Variants in KCNAB1 observed in about 807,000 individuals in gnomAD.
The protein encoded by KCNAB1 is potassium voltage-gated channel subfamily A regulatory beta subunit 1, also known as voltage-gated potassium channel subunit beta-1.
KCNAB1 carries 35 observed loss-of-function variants against 64.6 expected under a neutral mutation model. The observed-to-expected ratio is 0.54, with a 90% CI of 0.41 to 0.72. KCNAB1 has a LOEUF of 0.72. KCNAB1 is among the 30% of genes least tolerant of loss of function. The pLI, the probability that KCNAB1 is intolerant of heterozygous loss-of-function variation, is 0.00. For missense variants in KCNAB1, 401 were observed against 512.9 expected (o/e 0.78, Z 2.11); for synonymous variants, 177 against 183.8 (o/e 0.96, Z 0.30).
At chr3:156,258,435 A>G (rs1718230539) in intron 1 of KCNAB1, among the ~76,000 whole-genome samples, 1 of 152,132 alleles carries the variant, frequency 6.6e-6, no homozygotes, top group Non-Finnish European at 1.5e-5. Context: ...GCACAATTTG[A>G]ATACTTTCAG....
chr3:156,352,691 A>G (rs1400032760), intron 1 of KCNAB1, among the ~76,000 whole-genome samples: 1 of 152,158 alleles, frequency 6.6e-6, no homozygotes, highest in Non-Finnish European at 1.5e-5. Flanking sequence ...GTCACACTCG[A>G]TGGGTCTTCT....
intron 1 of KCNAB1, among the ~76,000 whole-genome samples, chr3:156,347,001 T>G (rs1460458003): frequency 6.6e-6 from 1 of 152,196 alleles, no homozygotes; most frequent in Non-Finnish European, 1.5e-5. Context: ...GATATTATTT[T>G]CTTTTCAGAG....
chr3:156,455,704 G>A (rs1033933419), intron 3 of KCNAB1, among the ~76,000 whole-genome samples: 6 of 151,382 alleles, frequency 4.0e-5, no homozygotes, highest in Non-Finnish European at 7.4e-5. Context: ...CTTCAGGGCC[G>A]CCTCAGTCTG....
chr3:156,467,793 T>C (rs1350089840), intron 7 of KCNAB1, among the ~76,000 whole-genome samples: 1 of 152,146 alleles, frequency 6.6e-6, no homozygotes, highest in Admixed American at 6.6e-5. Context: ...CAGAGTGGCA[T>C]TGCTAAGTCA....
chr3:156,533,705 G>T (rs1333756553), intron 13 of KCNAB1, among the ~76,000 whole-genome samples: 3 of 152,120 alleles, frequency 2.0e-5, no homozygotes, highest in Non-Finnish European at 4.4e-5. Flanking sequence ...TGGCCATGGA[G>T]GGGGAGAGAA....
chr3:156,209,748 A>G (rs1313280591), intron 1 of KCNAB1, among the ~76,000 whole-genome samples: 1 of 152,224 alleles, frequency 6.6e-6, no homozygotes, highest in Non-Finnish European at 1.5e-5. Flanking sequence ...GTGTGTCTGC[A>G]AGTCTACTAA....
At chr3:156,451,861 G>A (rs1712031679) in intron 2 of KCNAB1, among the ~76,000 whole-genome samples, 1 of 152,036 alleles carries the variant, frequency 6.6e-6, no homozygotes, top group African/African-American at 2.4e-5. Flanking sequence ...GTTAACCCCT[G>A]TGAGACTCGA....
At chr3:156,511,080 C>T (rs964274149) in intron 8 of KCNAB1, among the ~76,000 whole-genome samples, 2 of 152,054 alleles carry the variant, frequency 1.3e-5, no homozygotes, top group Non-Finnish European at 2.9e-5. Flanking sequence ...ATTAAATATC[C>T]ACTTGACATC....
chr3:156,323,345 G>A (rs1722790253), intron 1 of KCNAB1, among the ~76,000 whole-genome samples: 1 of 152,018 alleles, frequency 6.6e-6, no homozygotes, highest in African/African-American at 2.4e-5. Context: ...TGGTGTTCGG[G>A]GAGAAATGAC....
intron 1 of KCNAB1, among the ~76,000 whole-genome samples, chr3:156,169,083 T>G (rs1202594022): frequency 6.6e-6 from 1 of 152,224 alleles, no homozygotes; most frequent in Non-Finnish European, 1.5e-5. Context: ...AATTGATTTT[T>G]TTACACTTAA....
At chr3:156,158,090 G>A (rs186740382) in intron 1 of KCNAB1, among the ~76,000 whole-genome samples, 1 of 150,918 alleles carries the variant, frequency 6.6e-6, no homozygotes, top group South Asian at 2.1e-4. Flanking sequence ...GCGTGAACCC[G>A]GGAGGCGGAG....
chr3:156,498,420 A>G (rs1231325458), intron 8 of KCNAB1, among the ~76,000 whole-genome samples: 1 of 152,158 alleles, frequency 6.6e-6, no homozygotes. Context: ...TGCGGTTCTC[A>G]TGATGGTAAA....
At chr3:156,325,518 T>C (rs1722916022) in intron 1 of KCNAB1, among the ~76,000 whole-genome samples, 1 of 152,002 alleles carries the variant, frequency 6.6e-6, no homozygotes, top group Admixed American at 6.6e-5. Context: ...AAATAACTTA[T>C]CTTTCCTTTG....
rs115603101 is a variant in KCNAB1, at chr3:156,332,170, A to G, written c.276-89446A>G. Among the ~76,000 whole-genome samples the G allele has an allele frequency of 7.7e-3, 1,179 of 152,298 alleles. 10 individuals are homozygous for G. The highest frequency in any genetic ancestry group is 0.027 in the African/African-American group (1,128 of 41,560). On this transcript the variant is annotated intron_variant, in intron 1 of 13. Coordinates refer to ENST00000490337, the MANE Select transcript of KCNAB1 (RefSeq NM_172160.3). ...TTAAAATGAGTTTGGTTACCAAAAAAATTATTCATTTCTGGGCTTTATGTG... is the reference window on the plus strand; with the variant it reads ...TTAAAATGAGTTTGGTTACCAAAAAGATTATTCATTTCTGGGCTTTATGTG...
In KCNAB1 at chr3:156,422,473, G is replaced by T. The variant is rs183577192; in HGVS notation, c.319+814G>T. Among the ~76,000 whole-genome samples, 74 of 152,350 alleles carry T rather than the reference G, an allele frequency of 4.9e-4. 1 individual carries two copies. The highest frequency in any genetic ancestry group is 6.8e-3 in the Middle Eastern group (2 of 294). ...ATTTTCTGTTGGGTTCTATGTGGAA[G>T]ATGACAGAAAAAAGTCAAGGATGAC... On this transcript the variant is annotated intron_variant, in intron 2 of 13. Coordinates refer to ENST00000490337, the MANE Select transcript of KCNAB1 (RefSeq NM_172160.3).
At position 156,463,729 on chromosome 3, in the gene KCNAB1, A is replaced by T. The variant is rs1038847015; in HGVS notation, c.510A>T (p.Lys170Asn). 6.2e-7 allele frequency: 1 copy of T among 1,604,864 alleles called. No homozygotes were observed. The highest frequency in any genetic ancestry group is 8.5e-7 in the Non-Finnish European group (1 of 1,177,078). ...WRRSSLVITT[K>N]LYWGGKAETE... The stretch of plus-strand genomic sequence containing the variant: ...GGTCCAGTCTGGTCATAACAACCAA[A>T]CTCTACTGGGGTGGAAAGTAAGTTA... The change falls in exon 6 of 14, where the codon AAA (lysine) becomes AAT (asparagine). Residue 170 changes from lysine (K) to asparagine (N), a missense_variant. Physicochemically the swap from Lys to Asn is moderately conservative, Grantham distance 94. Transcript: ENST00000490337.
chr3:156,176,814 G>GCT (rs1310498688), intron 1 of KCNAB1: 13 of 896,488 alleles, frequency 1.5e-5, no homozygotes, highest in Non-Finnish European at 2.4e-5. Flanking sequence ...CCCGGCTCCA[G>GCT]GGCCCGATCC....
intron 1 of KCNAB1, among the ~76,000 whole-genome samples, chr3:156,327,492 T>C (rs1248827606): frequency 6.6e-6 from 1 of 152,178 alleles, no homozygotes; most frequent in Non-Finnish European, 1.5e-5. Context: ...ATACCATTAA[T>C]TTATTAACCC....
intron 1 of KCNAB1, among the ~76,000 whole-genome samples, chr3:156,187,945 A>AT (rs1349468060): frequency 6.6e-6 from 1 of 152,210 alleles, no homozygotes; most frequent in Non-Finnish European, 1.5e-5. Context: ...CAAGCTTATC[A>AT]TGCTGAACTA....
Sources: allele counts gnomAD v4.1 joint callset (sites outside exome capture counted in the v4.1 genomes callset), GRCh38; gene constraint gnomAD v4.1.1; transcripts MANE v1.5; gene names NCBI Gene and HGNC (gene_info 2026-07-23, HGNC 2026-07-21).